The following RNF220 variants were observed in gnomAD, a reference collection of about 807,000 sequenced individuals.
RNF220 encodes the protein E3 ubiquitin-protein ligase RNF220.
A neutral mutation model predicts 67.1 loss-of-function variants in RNF220; 7 were observed. That is an observed-to-expected ratio of 0.10 (90% confidence interval 0.06 to 0.20). The LOEUF is 0.20. RNF220 is among the 10% of genes least tolerant of loss of function. The probability of loss-of-function intolerance (pLI) is 1.00; values close to 1 mark genes in which losing one functional copy is unlikely to be tolerated. For missense variants in RNF220, 565 were observed against 740.3 expected (o/e 0.76, Z 2.75); for synonymous variants, 270 against 283.2 (o/e 0.95, Z 0.47).
chr1:44,494,345 G>A (rs1038564712), intron 2 of RNF220, among the ~76,000 whole-genome samples: 7 of 152,102 alleles, frequency 4.6e-5, no homozygotes, highest in Non-Finnish European at 1.0e-4. Flanking sequence ...TATGATTGAT[G>A]TACAAGCGAG....
intron 2 of RNF220, among the ~76,000 whole-genome samples, chr1:44,498,139 T>G (rs1657512273): frequency 1.3e-5 from 2 of 152,168 alleles, no homozygotes; most frequent in Admixed American, 1.3e-4. Context: ...ATTTGGTGAG[T>G]GGCGAAGGTC....
At chr1:44,465,197 A>T (rs1308369243) in intron 2 of RNF220, among the ~76,000 whole-genome samples, 3 of 151,922 alleles carry the variant, frequency 2.0e-5, no homozygotes, top group African/African-American at 7.3e-5. Flanking sequence ...TGTTGCTGAT[A>T]AAAATAAGGA....
intron 2 of RNF220, among the ~76,000 whole-genome samples, chr1:44,503,333 C>CAAAAAAA (rs34103792): frequency 7.1e-5 from 6 of 84,478 alleles, no homozygotes; most frequent in Non-Finnish European, 8.8e-5. Context: ...GATGCTGTCT[C>CAAAAAAA]AAAAAAAAAA....
In RNF220 at chr1:44,561,329, G is replaced by A. The variant is rs545428423; in HGVS notation, c.626-52836G>A. Reference sequence around the variant, plus strand: ...GTTCAAGACTAGCCTGGCCAACATGGTGAAACCCCATCTCTACTAAAAATA... The same window carrying A: ...GTTCAAGACTAGCCTGGCCAACATGATGAAACCCCATCTCTACTAAAAATA... On this transcript the variant is annotated intron_variant, in intron 2 of 14. Coordinates refer to ENST00000361799, the MANE Select transcript of RNF220 (RefSeq NM_018150.4). 1.2e-4 allele frequency among the ~76,000 whole-genome samples: 19 copies of A among 152,224 alleles called. No individual in the cohort carries two copies. In the South Asian group the frequency reaches 3.1e-3, roughly 25 times the overall value.
chr1:44,546,621 C>T (rs1046624956), intron 2 of RNF220, among the ~76,000 whole-genome samples: 2 of 152,170 alleles, frequency 1.3e-5, no homozygotes, highest in African/African-American at 2.4e-5. Flanking sequence ...AGGAGCCCTG[C>T]GTTACAGGAT....
At chr1:44,587,084 GT>G (rs11338729) in intron 2 of RNF220, among the ~76,000 whole-genome samples, 48,776 of 146,278 alleles carry the variant, frequency 0.33, 9,676 homozygotes, top group East Asian at 0.59. Flanking sequence ...AGTTCCTTCT[GT>G]TTTTTTTAAA....
At chr1:44,642,078 C>G (rs1430677546) in intron 8 of RNF220, among the ~76,000 whole-genome samples, 1 of 152,236 alleles carries the variant, frequency 6.6e-6, no homozygotes, top group African/African-American at 2.4e-5. Context: ...ATCAGCCTGG[C>G]CAGCTCTGCT....
intron 2 of RNF220, among the ~76,000 whole-genome samples, chr1:44,608,082 G>A (rs146555078): frequency 3.4e-4 from 51 of 152,128 alleles, no homozygotes; most frequent in African/African-American, 1.1e-3. Context: ...TGCCACCACA[G>A]CTGGCTAATT....
At chr1:44,427,249 G>T (rs1397782970) in intron 2 of RNF220, among the ~76,000 whole-genome samples, 1 of 152,166 alleles carries the variant, frequency 6.6e-6, no homozygotes, top group Non-Finnish European at 1.5e-5. Context: ...GAGAAGGAAG[G>T]ACACTCCAGG....
Position 44,567,904 on chromosome 1 carries a change from AG to A in RNF220, c.626-46260del, listed in dbSNP as rs369011326. Among the ~76,000 whole-genome samples, 80 of 152,218 alleles carry A rather than the reference AG, an allele frequency of 5.3e-4. 1 individual carries two copies. The East Asian group carries it at 8.5e-3, about 16-fold the overall frequency. ...GAGCCCCATTTCACCCTGCAGCTCC[AG>A]ACTCCACCCGGACTCCTGGAGGTTC... On this transcript the variant is annotated intron_variant, in intron 2 of 14. Transcript: ENST00000361799.
chr1:44,410,374 G>A (rs1338092332), intron 1 of RNF220, among the ~76,000 whole-genome samples: 4 of 152,172 alleles, frequency 2.6e-5, no homozygotes, highest in African/African-American at 7.2e-5. Flanking sequence ...CAGCCTAACT[G>A]GCTGTCCTTG....
intron 2 of RNF220, among the ~76,000 whole-genome samples, chr1:44,547,809 C>T (rs769358138): frequency 6.6e-6 from 1 of 152,096 alleles, no homozygotes; most frequent in Non-Finnish European, 1.5e-5. Context: ...GATAATTCAC[C>T]TTCAGCGGTC....
intron 2 of RNF220, among the ~76,000 whole-genome samples, chr1:44,539,938 G>A (rs1279201409): frequency 6.6e-6 from 1 of 152,154 alleles, no homozygotes; most frequent in Non-Finnish European, 1.5e-5. Flanking sequence ...ACTCTTCGGC[G>A]TGGTATGAAT....
At chr1:44,435,028 T>TA (rs33931761) in intron 2 of RNF220, among the ~76,000 whole-genome samples, 54,080 of 143,884 alleles carry the variant, frequency 0.38, 10,862 homozygotes, top group Admixed American at 0.52. Flanking sequence ...TCCTGTCTCT[T>TA]AAAAAAAAAA....
chr1:44,501,574 A>T (rs1390492370), intron 2 of RNF220, among the ~76,000 whole-genome samples: 3,830 of 152,210 alleles, frequency 0.025, 141 homozygotes, highest in African/African-American at 0.088. Context: ...TCAAGAAAGG[A>T]AAGCAATGCG....
intron 2 of RNF220, among the ~76,000 whole-genome samples, chr1:44,547,028 C>T (rs538336691): frequency 1.3e-5 from 2 of 152,292 alleles, no homozygotes; most frequent in South Asian, 2.1e-4. Context: ...CCAAGGTGTT[C>T]ATGTTGTCAC....
chr1:44,550,046 G>T (rs1366570978), intron 2 of RNF220, among the ~76,000 whole-genome samples: 1 of 152,246 alleles, frequency 6.6e-6, no homozygotes, highest in Non-Finnish European at 1.5e-5. Context: ...GGAGTTGGGA[G>T]TTTGTCCCCT....
At chr1:44,590,243 C>T (rs955750505) in intron 2 of RNF220, among the ~76,000 whole-genome samples, 1 of 152,232 alleles carries the variant, frequency 6.6e-6, no homozygotes, top group Non-Finnish European at 1.5e-5. Flanking sequence ...CAGGCAATCA[C>T]TCATATGAGG....
chr1:44,619,972 G>A (rs538850589), intron 3 of RNF220, among the ~76,000 whole-genome samples: 1 of 152,330 alleles, frequency 6.6e-6, no homozygotes, highest in East Asian at 1.9e-4. Context: ...CAGAGGAGTG[G>A]ATCGCCAAAT....
Sources: allele counts gnomAD v4.1 joint callset (sites outside exome capture counted in the v4.1 genomes callset), GRCh38; gene constraint gnomAD v4.1.1; transcripts MANE v1.5; gene names NCBI Gene and HGNC (gene_info 2026-07-23, HGNC 2026-07-21).